TAOK3: variants seen among roughly 807,000 people sequenced by gnomAD.
TAOK3 encodes the protein serine/threonine-protein kinase TAO3.
TAOK3 carries 40 observed loss-of-function variants against 120.4 expected under a neutral mutation model. The ratio of observed to expected loss-of-function variants is 0.33; its 90% CI spans 0.26 to 0.43. TAOK3 has a LOEUF of 0.43. Ranked by LOEUF, TAOK3 falls within the 20% of genes least tolerant of loss-of-function variation. The probability of loss-of-function intolerance (pLI) is 1.00; values close to 1 mark genes in which losing one functional copy is unlikely to be tolerated. For missense variants in TAOK3, 821 were observed against 1,112.1 expected, an observed-to-expected ratio of 0.74 and a Z score of 3.72; for synonymous variants, 355 against 387.5, an observed-to-expected ratio of 0.92 and a Z score of 0.99.
At chr12:118,299,170 A>G (rs986885254) in intron 1 of TAOK3, among the ~76,000 whole-genome samples, 1 of 152,196 alleles carries the variant, frequency 6.6e-6, no homozygotes, top group African/African-American at 2.4e-5. Context: ...TGAAAATATA[A>G]TTATACAAAA....
chr12:118,368,083 T>G (rs556524563), intron 1 of TAOK3, among the ~76,000 whole-genome samples: 1 of 152,354 alleles, frequency 6.6e-6, no homozygotes, highest in African/African-American at 2.4e-5. Context: ...GGGAAGTATT[T>G]GCATCCTGCT....
chr12:118,170,347 C>T (rs1309937464), intron 17 of TAOK3, among the ~76,000 whole-genome samples: 2 of 152,322 alleles, frequency 1.3e-5, no homozygotes, highest in East Asian at 3.9e-4. Context: ...AACCCACTTT[C>T]ACCCACTGGG....
Position 118,255,684 on chromosome 12 carries a change from T to C in TAOK3, c.-88-29A>G, listed in dbSNP as rs562990990. On this transcript the variant is annotated intron_variant, in intron 2 of 20. Coordinates refer to ENST00000392533, the MANE Select transcript of TAOK3 (RefSeq NM_016281.4). ...TAGAAAAATAAGGTTTGCCATTAAA[T>C]TATTTCTAACACATTTTACTTGGTG... 8 of 1,123,630 alleles carry C rather than the reference T, an allele frequency of 7.1e-6. No homozygotes were observed. In the South Asian group the frequency reaches 1.4e-4, roughly 20 times the overall value. The allele number at this position is 1,123,630 out of a possible 1,614,324, so 69.6% of individuals were successfully genotyped here. A position where few individuals can be genotyped will look rare whatever the true frequency, so the allele number is the denominator to read the frequency against.
chr12:118,215,132 G>T (rs1248722259), intron 9 of TAOK3, among the ~76,000 whole-genome samples: 1 of 150,268 alleles, frequency 6.7e-6, no homozygotes, highest in Non-Finnish European at 1.5e-5. Flanking sequence ...ACCCGTCTTG[G>T]CCTCCAAAAG....
At position 118,326,838 on chromosome 12, in the gene TAOK3, G is replaced by A. The variant is rs1418592969; in HGVS notation, c.-194+45810C>T. Among the ~76,000 whole-genome samples, 7 of 152,144 alleles carry A rather than the reference G, an allele frequency of 4.6e-5. No homozygotes were observed. The East Asian group carries it at 1.2e-3, about 25-fold the overall frequency. ...CATTCCAGCGATACAAAGGGGCAGA[G>A]ATAGAAAATTTTCTTCTGCACTTAG... On this transcript the variant is annotated intron_variant, in intron 1 of 20. Transcript: ENST00000392533.
chr12:118,313,943 C>T (rs1264221782), intron 1 of TAOK3, among the ~76,000 whole-genome samples: 1 of 152,206 alleles, frequency 6.6e-6, no homozygotes, highest in Admixed American at 6.5e-5. Context: ...TGCCATGCCT[C>T]TAATCCTGCC....
At chr12:118,172,377 A>G (rs2036048472) in intron 17 of TAOK3, 80 bp downstream of exon 17, 2 of 1,458,426 alleles carry the variant, frequency 1.4e-6, no homozygotes, top group Non-Finnish European at 1.9e-6. Context: ...ATAGGAATGG[A>G]CCAGGCAGAC....
At chr12:118,230,474 T>C (rs560657566) in intron 9 of TAOK3, among the ~76,000 whole-genome samples, 1 of 129,128 alleles carries the variant, frequency 7.7e-6, no homozygotes, top group East Asian at 2.2e-4. Flanking sequence ...TTTTTTTTTT[T>C]TTTTTTTTTT....
At chr12:118,246,681 A>G (rs913338408) in intron 3 of TAOK3, 500 of 1,576,836 alleles carry the variant, frequency 3.2e-4, no homozygotes, top group Non-Finnish European at 3.8e-4. Context: ...CCCTGCACCC[A>G]GGGGCACTGG....
At chr12:118,303,998 C>T (rs11068902) in intron 1 of TAOK3, among the ~76,000 whole-genome samples, 4 of 152,200 alleles carry the variant, frequency 2.6e-5, no homozygotes, top group Admixed American at 2.0e-4. Flanking sequence ...TCTCTTTACA[C>T]TCCTGGTCTT....
chr12:118,274,824 G>T (rs2041851056), intron 1 of TAOK3, among the ~76,000 whole-genome samples: 2 of 151,336 alleles, frequency 1.3e-5, no homozygotes, highest in Non-Finnish European at 2.9e-5. Context: ...GTAGAGACAG[G>T]GTTTCACCAT....
rs2035193900 is a variant in TAOK3 at position 118,161,148 on chromosome 12, G to C, written c.2139+640C>G. The stretch of plus-strand genomic sequence containing the variant: ...TTGACTGAAGAGACGCATAGCCAGT[G>C]TGATCCAGGTTGGCCTCATATCTGT... On this transcript the variant is annotated intron_variant, in intron 18 of 20. Coordinates refer to ENST00000392533, the MANE Select transcript of TAOK3 (RefSeq NM_016281.4). This position sits in a 1 kb window ranked among gnomAD's most constrained non-coding sequence, Gnocchi z 4.5. Among the ~76,000 whole-genome samples, 1 of 152,206 alleles carries C rather than the reference G, an allele frequency of 6.6e-6. No homozygotes were observed. Among genetic ancestry groups the C allele is most frequent in the Non-Finnish European group, 1.5e-5 (1 of 68,046 alleles).
intron 1 of TAOK3, among the ~76,000 whole-genome samples, chr12:118,332,861 T>C (rs1473456555): frequency 6.6e-6 from 1 of 152,100 alleles, no homozygotes; most frequent in African/African-American, 2.4e-5. Context: ...TAAAGTGGAC[T>C]TCAGAGAAAA....
chr12:118,264,241 G>C (rs559306213), intron 2 of TAOK3, among the ~76,000 whole-genome samples: 15 of 152,246 alleles, frequency 9.9e-5, no homozygotes, highest in African/African-American at 3.6e-4. Context: ...ATTTACCCAA[G>C]AAAAATGAAA....
At chr12:118,302,672 G>C (rs2042921628) in intron 1 of TAOK3, among the ~76,000 whole-genome samples, 1 of 152,118 alleles carries the variant, frequency 6.6e-6, no homozygotes, top group Non-Finnish European at 1.5e-5. Flanking sequence ...GCACATATTA[G>C]TGCAGAATAT....
At chr12:118,221,981 C>T (rs2039257668) in intron 9 of TAOK3, among the ~76,000 whole-genome samples, 2 of 151,610 alleles carry the variant, frequency 1.3e-5, no homozygotes, top group South Asian at 2.1e-4. Flanking sequence ...AGCATACAAA[C>T]GTTGAGCTAG....
intron 11 of TAOK3, among the ~76,000 whole-genome samples, chr12:118,203,564 C>A (rs968651506): frequency 2.0e-5 from 3 of 151,880 alleles, no homozygotes; most frequent in Non-Finnish European, 1.5e-5. Context: ...ATTAACTGGG[C>A]ATGGTGACGT....
At chr12:118,306,654 T>C (rs2043062874) in intron 1 of TAOK3, among the ~76,000 whole-genome samples, 2 of 152,250 alleles carry the variant, frequency 1.3e-5, no homozygotes, top group South Asian at 4.1e-4. Flanking sequence ...TAGTGGACCT[T>C]AATGTTCACT....
intron 1 of TAOK3, among the ~76,000 whole-genome samples, chr12:118,307,225 C>A (rs1283192334): frequency 6.6e-6 from 1 of 151,924 alleles, no homozygotes; most frequent in East Asian, 1.9e-4. Context: ...CTCCTCTTCC[C>A]CCCCCCATCT....
Sources: allele counts gnomAD v4.1 joint callset (sites outside exome capture counted in the v4.1 genomes callset), GRCh38; gene constraint gnomAD v4.1.1; non-coding constraint Gnocchi (gnomAD v3.1); transcripts MANE v1.5; gene names NCBI Gene and HGNC (gene_info 2026-07-23, HGNC 2026-07-21).